RLF: variants seen among roughly 807,000 people sequenced by gnomAD.
RLF encodes the protein zinc finger protein Rlf.
In RLF, 7 loss-of-function variants were observed where a neutral mutation model predicts 162.9. The observed-to-expected ratio is 0.04, with a 90% CI of 0.02 to 0.08. The LOEUF is 0.08. Among genes scored for constraint, RLF ranks in the 10% least tolerant of loss-of-function variants. The pLI is 1.00. For missense variants in RLF, 1,664 were observed against 2,244.7 expected (o/e 0.74, Z 5.23); for synonymous variants, 782 against 791.5 (o/e 0.99, Z 0.20).
At chr1:40,198,189 G>T (rs1181017087) in intron 4 of RLF, among the ~76,000 whole-genome samples, 1 of 151,386 alleles carries the variant, frequency 6.6e-6, no homozygotes, top group African/African-American at 2.4e-5. Flanking sequence ...TTTTAGTAGA[G>T]ATGGGGTTTC....
chr1:40,218,561 C>T (rs549206095), intron 5 of RLF, among the ~76,000 whole-genome samples: 2 of 152,284 alleles, frequency 1.3e-5, no homozygotes, highest in Admixed American at 1.3e-4. Context: ...GCCACAATTA[C>T]TCTCACGTTA....
At chr1:40,200,867 TACACACACACACACAC>T (rs71060356) in intron 4 of RLF, among the ~76,000 whole-genome samples, 766 of 34,816 alleles carry the variant, frequency 0.022, 10 homozygotes, top group African/African-American at 0.024. Flanking sequence ...ATTGCTACTC[TACACACACACACACAC>T]ACACACACAC....
intron 5 of RLF, among the ~76,000 whole-genome samples, chr1:40,210,981 T>A (rs1387566487): frequency 6.6e-6 from 1 of 152,214 alleles, no homozygotes; most frequent in African/African-American, 2.4e-5. Flanking sequence ...TTGATACTAT[T>A]CACAACAGGG....
At chr1:40,222,872 A>T (rs1298901035) in intron 6 of RLF, among the ~76,000 whole-genome samples, 162 bp downstream of exon 6, 1 of 152,234 alleles carries the variant, frequency 6.6e-6, no homozygotes, top group Non-Finnish European at 1.5e-5. Flanking sequence ...CATTGGTTTA[A>T]TCTAGTCAAG....
rs1254313198 is a variant in RLF, at chr1:40,161,867, G to A, written c.237+231G>A. On this transcript the variant is annotated intron_variant, in intron 1 of 7. Coordinates refer to ENST00000372771, the MANE Select transcript of RLF (RefSeq NM_012421.4). This position sits in a 1 kb window ranked among gnomAD's most constrained non-coding sequence, Gnocchi z 4.4. ...TGCTCTGAGCCTTACTGAGATCCCG[G>A]AGGGCCCTGGCGGGTCCCTGGAAGG... Among the ~76,000 whole-genome samples the A allele has an allele frequency of 6.6e-6, 1 of 152,248 alleles. No individual in the cohort carries two copies. Among genetic ancestry groups the A allele is most frequent in the Non-Finnish European group, 1.5e-5 (1 of 68,042 alleles).
intron 3 of RLF, 64 bp from the exon 4 acceptor site, chr1:40,195,568 T>C (rs1358944790): frequency 6.9e-7 from 1 of 1,442,978 alleles, no homozygotes; most frequent in Non-Finnish European, 9.4e-7. Flanking sequence ...TCAGATATGT[T>C]GAAAAGGCAA....
In RLF at chr1:40,161,597, G is replaced by A; in HGVS notation, c.198G>A (p.Ser66=). ...LETELREQEV[S]EVSSLNYCRS... ...CAGAGCTGAGGGAGCAAGAGGTGTC[G>A]GAGGTCTCATCTTTGAACTACTGCC... The change falls in exon 1 of 8, where the codon TCG becomes TCA. Residue 66 remains serine, a synonymous_variant. Coordinates refer to ENST00000372771, the MANE Select transcript of RLF (RefSeq NM_012421.4). This position sits in a 1 kb window ranked among gnomAD's most constrained non-coding sequence, Gnocchi z 4.4. The A allele has an allele frequency of 1.2e-6, 2 of 1,613,214 alleles. No homozygotes were observed. The highest frequency in any genetic ancestry group is 2.2e-5 in the East Asian group (1 of 44,790).
intron 7 of RLF, among the ~76,000 whole-genome samples, chr1:40,233,972 G>A (rs945092756): frequency 1.3e-5 from 2 of 151,826 alleles, no homozygotes; most frequent in Admixed American, 1.3e-4. Context: ...TTTTTGAGAC[G>A]GAGTCTCACT....
At chr1:40,177,341 G>A (rs1242782446) in intron 1 of RLF, among the ~76,000 whole-genome samples, 1 of 149,780 alleles carries the variant, frequency 6.7e-6, no homozygotes, top group African/African-American at 2.5e-5. Flanking sequence ...CCAGGCTGGA[G>A]TGCAGTGGTG....
chr1:40,209,425 A>C (rs985786756), intron 5 of RLF, among the ~76,000 whole-genome samples: 2 of 152,224 alleles, frequency 1.3e-5, no homozygotes, highest in Admixed American at 6.5e-5. Context: ...ACACCTTACA[A>C]ACATAGACCC....
intron 5 of RLF, among the ~76,000 whole-genome samples, chr1:40,221,696 T>C (rs61778546): frequency 0.094 from 14,252 of 151,546 alleles, 774 homozygotes; most frequent in South Asian, 0.21. Flanking sequence ...GTCTGGAGAT[T>C]GAGACCATCC....
intron 3 of RLF, among the ~76,000 whole-genome samples, chr1:40,191,276 G>A (rs1167746659): frequency 6.6e-6 from 1 of 152,102 alleles, no homozygotes; most frequent in Non-Finnish European, 1.5e-5. Context: ...AGTAGCTCAC[G>A]GCTGTAATCC....
intron 1 of RLF, among the ~76,000 whole-genome samples, chr1:40,181,430 A>C (rs1036178970): frequency 6.6e-6 from 1 of 152,218 alleles, no homozygotes; most frequent in African/African-American, 2.4e-5. Context: ...ACTCCATCTC[A>C]AAAAGAAAAG....
chr1:40,240,555 T>G lies in RLF; in HGVS notation c.*108T>G. On this transcript the variant is annotated 3_prime_UTR_variant, in exon 8 of 8. Transcript: ENST00000372771. Reference sequence around the variant, plus strand: ...AGCCACACCGTTGTTTAGGGTAGAATAGGCTGTGTATTTACATGAATGTAT... The same window carrying G: ...AGCCACACCGTTGTTTAGGGTAGAAGAGGCTGTGTATTTACATGAATGTAT... 2 of 741,798 alleles carry G rather than the reference T, an allele frequency of 2.7e-6. No homozygotes were observed. The highest frequency in any genetic ancestry group is 4.5e-6 in the Non-Finnish European group (2 of 439,796). The allele number at this position is 741,798 out of a possible 1,614,324, so 46.0% of individuals were successfully genotyped here.
intron 7 of RLF, among the ~76,000 whole-genome samples, chr1:40,233,766 T>C (rs1643183200): frequency 6.6e-6 from 1 of 152,112 alleles, no homozygotes; most frequent in Non-Finnish European, 1.5e-5. Flanking sequence ...AGGTAGGGAG[T>C]TATCTCAATT....
intron 1 of RLF, among the ~76,000 whole-genome samples, chr1:40,182,302 C>T (rs922969016): frequency 1.3e-5 from 2 of 152,130 alleles, no homozygotes; most frequent in South Asian, 2.1e-4. Context: ...GGCATGGTGG[C>T]GGGCGCCTGT....
intron 1 of RLF, among the ~76,000 whole-genome samples, chr1:40,186,431 TTAGTA>T (rs758930941): frequency 6.6e-6 from 1 of 152,222 alleles, no homozygotes; most frequent in East Asian, 1.9e-4. Context: ...AAAGTATAAA[TTAGTA>T]TAGAGCAAAC....
intron 4 of RLF, among the ~76,000 whole-genome samples, chr1:40,199,550 C>T (rs903510497): frequency 6.6e-6 from 1 of 152,192 alleles, no homozygotes; most frequent in African/African-American, 2.4e-5. Flanking sequence ...GTTTCAACAT[C>T]AGATCAGTGA....
At position 40,238,408 on chromosome 1, in the gene RLF, A is replaced by G; in HGVS notation, c.3706A>G (p.Ser1236Gly). The G allele has an allele frequency of 1.2e-6, 2 of 1,614,200 alleles. No individual in the cohort carries two copies. Among genetic ancestry groups the G allele is most frequent in the Non-Finnish European group, 1.7e-6 (2 of 1,180,022 alleles). ...TTCTGCAGAACTTGGAGGTGATCCCAGTAGTAACTCTGAGAAACCACACTG... is the reference window on the plus strand; with the variant it reads ...TTCTGCAGAACTTGGAGGTGATCCCGGTAGTAACTCTGAGAAACCACACTG... The part of the protein sequence containing the change: ...DCSAELGGDP[S>G]SNSEKPHCHP... The change falls in exon 8 of 8, where the codon AGT becomes GGT. Residue 1236 changes from serine (S) to glycine (G), a missense_variant. Ser to Gly is a moderately conservative substitution (Grantham distance 56). Around this residue, in one of 15 missense-constraint regions of RLF, gnomAD observed 102 missense variants for 109.5 expected, o/e 0.93. Coordinates refer to ENST00000372771, the MANE Select transcript of RLF (RefSeq NM_012421.4). This position sits in a 1 kb window ranked among gnomAD's most constrained non-coding sequence, Gnocchi z 5.2.
Sources: allele counts gnomAD v4.1 joint callset (sites outside exome capture counted in the v4.1 genomes callset), GRCh38; gene constraint gnomAD v4.1.1; regional missense constraint gnomAD v4.1.1; non-coding constraint Gnocchi (gnomAD v3.1); transcripts MANE v1.5; gene names NCBI Gene and HGNC (gene_info 2026-07-23, HGNC 2026-07-21).